Variants in CSMD1 observed in about 807,000 individuals in gnomAD.
The protein encoded by CSMD1 is CUB and Sushi multiple domains 1.
In CSMD1, 213 loss-of-function variants were observed where a neutral mutation model predicts 417.5. The observed-to-expected ratio is 0.51, with a 90% CI of 0.46 to 0.57. CSMD1 has a LOEUF of 0.57. Ranked by LOEUF, CSMD1 falls within the 20% of genes least tolerant of loss-of-function variation. CSMD1 has a pLI of 0.00. For synonymous variants in CSMD1, 2,862 were observed against 1,736.8 expected (o/e 1.65, Z -16.11); for missense variants, 6,923 against 4,529.7 (o/e 1.53, Z -15.17).
intron 5 of CSMD1, among the ~76,000 whole-genome samples, chr8:3,977,998 T>C (rs765339801): frequency 6.6e-6 from 1 of 152,212 alleles, no homozygotes; most frequent in Non-Finnish European, 1.5e-5. Context: ...TGAGAGCATC[T>C]CATAGCTCTT....
At chr8:4,776,754 T>C (rs537280423) in intron 1 of CSMD1, among the ~76,000 whole-genome samples, 2 of 151,980 alleles carry the variant, frequency 1.3e-5, no homozygotes, top group East Asian at 1.9e-4. Context: ...CACTCAGTTA[T>C]ATTTTAGAAA....
At chr8:4,952,347 A>AAGCATGAG (rs1808809263) in intron 1 of CSMD1, among the ~76,000 whole-genome samples, 1 of 151,564 alleles carries the variant, frequency 6.6e-6, no homozygotes, top group South Asian at 2.1e-4. Flanking sequence ...CCAATAAGTG[A>AAGCATGAG]AACTGAATAA....
intron 1 of CSMD1, among the ~76,000 whole-genome samples, chr8:4,850,897 G>T (rs188816234): frequency 1.3e-5 from 2 of 149,778 alleles, no homozygotes; most frequent in South Asian, 2.1e-4. Context: ...ATTGAAGATT[G>T]TTTCCCTTGC....
At chr8:3,517,016 G>C (rs930333781) in intron 10 of CSMD1, among the ~76,000 whole-genome samples, 1 of 152,202 alleles carries the variant, frequency 6.6e-6, no homozygotes, top group Non-Finnish European at 1.5e-5. Context: ...AGGTGTCATG[G>C]TGAGCAAAGG....
chr8:3,105,679 T>C (rs1329863103), intron 46 of CSMD1, among the ~76,000 whole-genome samples: 2 of 152,246 alleles, frequency 1.3e-5, no homozygotes, highest in South Asian at 2.1e-4. Flanking sequence ...GAGATGTGCA[T>C]GTTTCATTTT....
intron 5 of CSMD1, among the ~76,000 whole-genome samples, chr8:3,809,375 CT>C (rs1800934592): frequency 6.6e-6 from 1 of 152,214 alleles, no homozygotes; most frequent in Non-Finnish European, 1.5e-5. Context: ...GTTCTACTCA[CT>C]AGGCTCTGTT....
At chr8:3,234,219 A>G (rs1799019467) in intron 26 of CSMD1, among the ~76,000 whole-genome samples, 2 of 152,184 alleles carry the variant, frequency 1.3e-5, no homozygotes, top group South Asian at 2.1e-4. Context: ...TGCATTTCAT[A>G]TCAACCGGGA....
intron 8 of CSMD1, among the ~76,000 whole-genome samples, chr8:3,593,377 A>G (rs1292228072): frequency 6.6e-6 from 1 of 152,168 alleles, no homozygotes. Flanking sequence ...CCCGTGATGG[A>G]GAAGGTCAAG....
intron 1 of CSMD1, among the ~76,000 whole-genome samples, chr8:4,933,708 T>A (rs13259602): frequency 3.9e-5 from 6 of 151,982 alleles, no homozygotes; most frequent in East Asian, 1.9e-4. Flanking sequence ...GATGGAAGAA[T>A]GGATGAATGC....
In CSMD1 at chr8:4,325,923, G is replaced by A. The variant is rs146027026; in HGVS notation, c.415+94030C>T. On this transcript the variant is annotated intron_variant, in intron 3 of 69. Coordinates refer to ENST00000635120, the MANE Select transcript of CSMD1 (RefSeq NM_033225.6). ...ATATAATAGAGCAGATTTACATGCTGGCTGGGGCACCTTTTTCTGTTCACG... is the reference window on the plus strand; with the variant it reads ...ATATAATAGAGCAGATTTACATGCTAGCTGGGGCACCTTTTTCTGTTCACG... Among the ~76,000 whole-genome samples the A allele has an allele frequency of 3.3e-3, 503 of 152,210 alleles. 3 individuals are homozygous for A. The highest frequency in any genetic ancestry group is 0.012 in the African/African-American group (490 of 41,512).
chr8:3,876,869 C>T (rs1023980545), intron 5 of CSMD1, among the ~76,000 whole-genome samples: 11 of 152,210 alleles, frequency 7.2e-5, no homozygotes, highest in African/African-American at 2.7e-4. Flanking sequence ...GCCTTGGCCT[C>T]CCAAAATCAT....
chr8:3,398,925 G>T (rs1287156220), intron 16 of CSMD1, among the ~76,000 whole-genome samples: 3 of 152,144 alleles, frequency 2.0e-5, no homozygotes, highest in East Asian at 3.9e-4. Flanking sequence ...GCGATTAGTT[G>T]GTGATTGATC....
At chr8:4,213,218 G>T (rs1430033911) in intron 3 of CSMD1, among the ~76,000 whole-genome samples, 1 of 152,136 alleles carries the variant, frequency 6.6e-6, no homozygotes, top group East Asian at 1.9e-4. Flanking sequence ...ATGGGTACTT[G>T]TTGTCTATGA....
chr8:4,780,399 T>A (rs1183971461), intron 1 of CSMD1, among the ~76,000 whole-genome samples: 3 of 151,404 alleles, frequency 2.0e-5, no homozygotes, highest in Non-Finnish European at 4.4e-5. Context: ...GGCAGTTCAT[T>A]CTGATTGATC....
intron 5 of CSMD1, among the ~76,000 whole-genome samples, chr8:3,909,533 C>G (rs1028878472): frequency 1.3e-5 from 2 of 152,126 alleles, no homozygotes; most frequent in Non-Finnish European, 2.9e-5. Flanking sequence ...CGTGGTCGCT[C>G]TCCCCAGGTA....
In CSMD1 at chr8:3,773,784, C is replaced by A. The variant is rs568607639; in HGVS notation, c.819-19742G>T. 3.3e-3 allele frequency among the ~76,000 whole-genome samples: 498 copies of A among 152,246 alleles called. 3 individuals are homozygous for A. The highest frequency in any genetic ancestry group is 9.6e-3 in the African/African-American group (400 of 41,540). On this transcript the variant is annotated intron_variant, in intron 5 of 69. Transcript: ENST00000635120. The stretch of plus-strand genomic sequence containing the variant: ...CAGAATAAATATCCAGAATAAATAT[C>A]ATTCAAGTGGCAGGCCCATCTACAT...
intron 1 of CSMD1, among the ~76,000 whole-genome samples, chr8:4,740,161 G>C (rs890914789): frequency 1.3e-5 from 2 of 152,086 alleles, no homozygotes; most frequent in Non-Finnish European, 2.9e-5. Context: ...TGTGCAATGA[G>C]AGCCTGAGCA....
At chr8:3,572,291 G>T (rs950083215) in intron 10 of CSMD1, among the ~76,000 whole-genome samples, 1 of 152,158 alleles carries the variant, frequency 6.6e-6, no homozygotes, top group African/African-American at 2.4e-5. Flanking sequence ...CAGAGCCTGG[G>T]GCAGAAAGCA....
At chr8:3,097,409 G>C (rs1445767357) in intron 46 of CSMD1, among the ~76,000 whole-genome samples, 1 of 152,056 alleles carries the variant, frequency 6.6e-6, no homozygotes, top group Non-Finnish European at 1.5e-5. Flanking sequence ...GAAATGTTAT[G>C]CAATAAGAAA....
Sources: allele counts gnomAD v4.1 joint callset (sites outside exome capture counted in the v4.1 genomes callset), GRCh38; gene constraint gnomAD v4.1.1; transcripts MANE v1.5; gene names NCBI Gene and HGNC (gene_info 2026-07-23, HGNC 2026-07-21).